Variants in CYP2S1 observed in about 807,000 individuals in gnomAD.
CYP2S1 encodes cytochrome P450 family 2 subfamily S member 1, also known as cytochrome P450 2S1.
CYP2S1 carries 32 observed loss-of-function variants against 43.5 expected under a neutral mutation model. That is an observed-to-expected ratio of 0.74 (90% CI 0.56 to 0.99). The LOEUF (loss-of-function observed/expected upper bound fraction) is 0.99. CYP2S1 is among the 50% of genes least tolerant of loss of function. CYP2S1 has a pLI of 0.00. For missense variants in CYP2S1, 575 were observed against 673.9 expected (o/e 0.85, Z 1.62); for synonymous variants, 283 against 302.9 (o/e 0.93, Z 0.68).
chr19:41,205,432 CTT>C (rs1306681369), intron 7 of CYP2S1, among the ~76,000 whole-genome samples: 1 of 113,334 alleles, frequency 8.8e-6, no homozygotes, highest in Non-Finnish European at 1.8e-5. Flanking sequence ...CTCTCTCTCT[CTT>C]TCTTTCTTTT....
Position 41,198,316 on chromosome 19 carries a change from T to C in CYP2S1, c.494-146T>C. On this transcript the variant is annotated intron_variant, in intron 3 of 8. Transcript: ENST00000310054. This position sits in a 1 kb window ranked among gnomAD's most constrained non-coding sequence, Gnocchi z 4.9. ...GTTTCTCTGTCCCTATCTGTCTGTATCCTTCTTTGCCTGTTTAGCTCTCTC... is the reference window on the plus strand; with the variant it reads ...GTTTCTCTGTCCCTATCTGTCTGTACCCTTCTTTGCCTGTTTAGCTCTCTC... 1 of 1,024,354 alleles carries C rather than the reference T, an allele frequency of 9.8e-7. No individual in the cohort carries two copies. 63.5% of individuals were successfully genotyped at this position (1,024,354 alleles called of 1,614,324 possible).
At position 41,206,864 on chromosome 19, in the gene CYP2S1, C is replaced by T. The variant is rs966447963; in HGVS notation, c.*376C>T. 11 of 463,292 alleles carry T rather than the reference C, an allele frequency of 2.4e-5. No individual in the cohort carries two copies. Among genetic ancestry groups the T allele is most frequent in the South Asian group, 1.8e-4 (11 of 62,186 alleles). 28.7% of individuals were successfully genotyped at this position (463,292 alleles called of 1,614,324 possible). A position where few individuals can be genotyped will look rare whatever the true frequency, so the allele number is the denominator to read the frequency against. ...CCACAGAAACGGCCACACATGTTCACAGCTCACACGCCCTCTCCATTCATC... is the reference window on the plus strand; with the variant it reads ...CCACAGAAACGGCCACACATGTTCATAGCTCACACGCCCTCTCCATTCATC... On this transcript the variant is annotated 3_prime_UTR_variant, in exon 9 of 9. Coordinates refer to ENST00000310054, the MANE Select transcript of CYP2S1 (RefSeq NM_030622.8).
At chr19:41,204,104 G>T (rs986293017) in intron 7 of CYP2S1, among the ~76,000 whole-genome samples, 3 of 152,038 alleles carry the variant, frequency 2.0e-5, no homozygotes, top group Non-Finnish European at 2.9e-5. Flanking sequence ...CTCGTGATCT[G>T]CCCGCTTCGG....
intron 5 of CYP2S1, among the ~76,000 whole-genome samples, chr19:41,199,529 C>T (rs963856197): frequency 1.3e-5 from 2 of 151,636 alleles, no homozygotes; most frequent in African/African-American, 4.8e-5. Flanking sequence ...AACAGGTGTG[C>T]ACCACCACAC....
At chr19:41,203,038 T>G (rs2033509997) in intron 6 of CYP2S1, among the ~76,000 whole-genome samples, 1 of 151,642 alleles carries the variant, frequency 6.6e-6, no homozygotes, top group Non-Finnish European at 1.5e-5. Context: ...GAGGCGGAGT[T>G]GCAGCAAGCC....
At chr19:41,201,003 A>G (rs1033488259) in intron 5 of CYP2S1, among the ~76,000 whole-genome samples, 4 of 152,014 alleles carry the variant, frequency 2.6e-5, no homozygotes, top group South Asian at 4.2e-4. Flanking sequence ...GCTTGAACCC[A>G]GGAGGCGGAG....
intron 2 of CYP2S1, among the ~76,000 whole-genome samples, chr19:41,195,357 GC>G (rs1486552268): frequency 6.6e-6 from 1 of 152,186 alleles, no homozygotes; most frequent in Non-Finnish European, 1.5e-5. Context: ...AAAGCAGGAG[GC>G]CCATGCTGGG....
chr19:41,206,849 G>T lies in CYP2S1; in HGVS notation c.*361G>T, dbSNP rs550002210. The T allele has an allele frequency of 1.7e-5, 8 of 483,584 alleles. No individual in the cohort carries two copies. The highest frequency in any genetic ancestry group is 1.2e-4 in the South Asian group (8 of 64,120). 30.0% of individuals were successfully genotyped at this position (483,584 alleles called of 1,614,324 possible). A position where few individuals can be genotyped will look rare whatever the true frequency, so the allele number is the denominator to read the frequency against. On this transcript the variant is annotated 3_prime_UTR_variant, in exon 9 of 9. Transcript: ENST00000310054. ...TGTCACCTTCACAAGCCACAGAAAC[G>T]GCCACACATGTTCACAGCTCACACG...
Sources: gnomAD v4.1 joint callset for allele counts (sites outside exome capture counted in the v4.1 genomes callset) on GRCh38, gnomAD v4.1.1 for gene constraint, Gnocchi (gnomAD v3.1) non-coding constraint, MANE v1.5 for transcripts, NCBI Gene and HGNC (gene_info 2026-07-23, HGNC 2026-07-21) for gene names.